Variants in SVEP1 observed in about 807,000 individuals in gnomAD.
The protein encoded by SVEP1 is sushi, von Willebrand factor type A, EGF and pentraxin domain-containing protein 1.
SVEP1 carries 164 observed loss-of-function variants against 367.3 expected under a neutral mutation model. The ratio of observed to expected loss-of-function variants is 0.45; its 90% CI spans 0.39 to 0.51. The LOEUF (loss-of-function observed/expected upper bound fraction) is 0.51, where lower values mean the gene tolerates loss of function less well. SVEP1 is among the 20% of genes least tolerant of loss of function. The probability of loss-of-function intolerance (pLI) is 0.00; values close to 1 mark genes in which losing one functional copy is unlikely to be tolerated. For synonymous variants in SVEP1, 1,666 were observed against 1,611.6 expected (o/e 1.03, Z -0.81); for missense variants, 4,117 against 4,425.3 (o/e 0.93, Z 1.98).
At chr9:110,375,286 GAGTC>G in intron 46 of SVEP1, 78 bp downstream of exon 46, 1 of 673,804 alleles carries the variant, frequency 1.5e-6, no homozygotes, top group Non-Finnish European at 2.2e-6. Context: ...CACCACTTCT[GAGTC>G]TAAGTCACAC....
At position 110,408,197 on chromosome 9, in the gene SVEP1, G is replaced by A; in HGVS notation, c.7403C>T (p.Pro2468Leu). Residue 2468 changes from proline to leucine, a missense_variant, in exon 38 of 48, where the codon CCA becomes CTA. Pro to Leu is a moderately conservative substitution (Grantham distance 98, BLOSUM62 -3). Around this residue, in one of 4 missense-constraint regions of SVEP1, gnomAD observed 1,765 missense variants for 1,781.1 expected, o/e 0.99. Coordinates refer to ENST00000374469, the MANE Select transcript of SVEP1 (RefSeq NM_153366.4). ...YLSTALYTCK[P>L]GFELVGNTTT... ...AGTATTTCCCACCAATTCAAAGCCT[G>A]GCTTGCAGGTATAGAGAGCTGTGCT... 1 of 1,613,982 alleles carries A rather than the reference G, an allele frequency of 6.2e-7. No homozygotes were observed. Among genetic ancestry groups the A allele is most frequent in the Non-Finnish European group, 8.5e-7 (1 of 1,179,900 alleles).
intron 40 of SVEP1, among the ~76,000 whole-genome samples, chr9:110,390,058 TATATAAGTATATATATATAC>T (rs1827609855): frequency 7.8e-6 from 1 of 128,186 alleles, no homozygotes; most frequent in Non-Finnish European, 1.7e-5. Context: ...TACACGTATA[TATATAAGTATATATATATAC>T]GTGTATATAT....
intron 29 of SVEP1, among the ~76,000 whole-genome samples, 183 bp from the exon 30 acceptor site, chr9:110,434,689 A>AAAAATCC (rs1828407147): frequency 6.7e-6 from 1 of 149,474 alleles, no homozygotes; most frequent in Admixed American, 6.7e-5. Context: ...AAAAAAAAGC[A>AAAAATCC]TTTAAGTCAA....
At chr9:110,439,750 C>T (rs1828485871) in intron 27 of SVEP1, among the ~76,000 whole-genome samples, 1 of 151,924 alleles carries the variant, frequency 6.6e-6, no homozygotes, top group African/African-American at 2.4e-5. Flanking sequence ...TATGGTAACC[C>T]AAGCAGACTA....
chr9:110,367,879 G>A (rs558148247), intron 47 of SVEP1, among the ~76,000 whole-genome samples: 3 of 152,176 alleles, frequency 2.0e-5, no homozygotes, highest in South Asian at 2.1e-4. Context: ...TCAGGAGTTC[G>A]AGACTAGCCT....
At chr9:110,384,236 G>A (rs1352292549) in intron 43 of SVEP1, among the ~76,000 whole-genome samples, 2 of 152,196 alleles carry the variant, frequency 1.3e-5, no homozygotes, top group African/African-American at 4.8e-5. Context: ...CCTGAGTGGG[G>A]TAGCACAATC....
intron 6 of SVEP1, 38 bp from the exon 7 acceptor site, chr9:110,499,276 C>G (rs1277785108): frequency 1.9e-6 from 3 of 1,557,526 alleles, no homozygotes; most frequent in Non-Finnish European, 2.6e-6. Flanking sequence ...ATTTGTGTTC[C>G]CACAAATTGG....
Position 110,404,519 on chromosome 9 carries a change from T to A in SVEP1, c.9474A>T (p.Thr3158=). 6.2e-7 allele frequency: 1 copy of A among 1,614,026 alleles called. No homozygotes were observed. Among genetic ancestry groups the A allele is most frequent in the Non-Finnish European group, 8.5e-7 (1 of 1,179,876 alleles). Residue 3158 remains threonine, a synonymous_variant, in exon 39 of 48, where the codon ACA becomes ACT. Coordinates refer to ENST00000374469, the MANE Select transcript of SVEP1 (RefSeq NM_153366.4). ...CATCTTTCTGACAGGTGAATGTATC[T>A]GTATCTGTATCCATCGTATAACCTT... The part of the protein sequence containing the change: ...CLEGYTMDTD[T]DTFTCQKDGR...
intron 8 of SVEP1, among the ~76,000 whole-genome samples, chr9:110,495,838 T>C (rs72748870): frequency 0.23 from 34,490 of 152,116 alleles, 4,308 homozygotes; most frequent in Admixed American, 0.3. Context: ...TAATGCTGGA[T>C]TCAGACAAGC....
rs60798857 is a variant in SVEP1 at position 110,428,429 on chromosome 9, C to CAAACACACACACAA, written c.5808-672_5808-671insTTGTGTGTGTGTTT. ...ACACACACACACACACACACACACACCATTAATCTCCTACAGTGTTAAGAA... is the reference window on the plus strand; with the variant it reads ...ACACACACACACACACACACACACACAAACACACACACAACATTAATCTCCTACAGTGTTAAGAA... On this transcript the variant is annotated intron_variant, in intron 35 of 47. Coordinates refer to ENST00000374469, the MANE Select transcript of SVEP1 (RefSeq NM_153366.4). Among the ~76,000 whole-genome samples, 55 of 151,220 alleles carry CAAACACACACACAA rather than the reference C, an allele frequency of 3.6e-4. 2 individuals carry two copies. Among genetic ancestry groups the CAAACACACACACAA allele is most frequent in the Middle Eastern group, 3.4e-3 (1 of 294 alleles).
intron 1 of SVEP1, among the ~76,000 whole-genome samples, chr9:110,554,398 C>T (rs1050635313): frequency 6.6e-6 from 1 of 152,156 alleles, no homozygotes; most frequent in African/African-American, 2.4e-5. Flanking sequence ...GACCAAGGAC[C>T]AGCCCCAGTA....
Position 110,365,283 on chromosome 9 carries a change from A to G in SVEP1, c.*1256T>C, listed in dbSNP as rs570191345. On this transcript the variant is annotated 3_prime_UTR_variant, in exon 48 of 48. Transcript: ENST00000374469. ...AATGGACTATGAGTAAATTTATTGG[A>G]AAGTAGACTCATAAGCATGTAAGAC... The G allele has an allele frequency of 6.6e-6, 1 of 152,164 alleles. No homozygotes were observed. Among genetic ancestry groups the G allele is most frequent in the African/African-American group, 2.4e-5 (1 of 41,428 alleles). 9.4% of individuals were successfully genotyped at this position (152,164 alleles called of 1,614,324 possible).
intron 42 of SVEP1, among the ~76,000 whole-genome samples, chr9:110,386,606 A>G (rs775994500): frequency 6.6e-6 from 1 of 152,100 alleles, no homozygotes; most frequent in Non-Finnish European, 1.5e-5. Flanking sequence ...TGGAGTTTGC[A>G]TGTTTTATTG....
At chr9:110,440,588 G>A (rs1828497853) in intron 27 of SVEP1, among the ~76,000 whole-genome samples, 2 of 152,230 alleles carry the variant, frequency 1.3e-5, no homozygotes, top group South Asian at 4.1e-4. Context: ...GAGGCATGCA[G>A]AGTCAAAGAA....
chr9:110,374,668 C>G (rs1471133586), intron 46 of SVEP1, among the ~76,000 whole-genome samples: 1 of 151,912 alleles, frequency 6.6e-6, no homozygotes, highest in Non-Finnish European at 1.5e-5. Context: ...CAAAACAAAA[C>G]AAAACAAAAA....
intron 1 of SVEP1, among the ~76,000 whole-genome samples, chr9:110,556,735 C>A (rs2118863663): frequency 6.6e-6 from 1 of 152,186 alleles, no homozygotes; most frequent in East Asian, 1.9e-4. Flanking sequence ...GTGATCCACC[C>A]AGCTCAGCCT....
intron 14 of SVEP1, among the ~76,000 whole-genome samples, chr9:110,473,351 G>T (rs1035296371): frequency 6.6e-6 from 1 of 152,068 alleles, no homozygotes; most frequent in African/African-American, 2.4e-5. Flanking sequence ...CTACCACATA[G>T]AAATAATCAC....
intron 35 of SVEP1, among the ~76,000 whole-genome samples, chr9:110,428,702 G>A (rs886751012): frequency 2.0e-5 from 3 of 152,142 alleles, no homozygotes; most frequent in Non-Finnish European, 4.4e-5. Context: ...GCCTCGGGAA[G>A]CATACAGATT....
intron 40 of SVEP1, among the ~76,000 whole-genome samples, chr9:110,394,107 C>A (rs965541860): frequency 6.6e-6 from 1 of 152,124 alleles, no homozygotes; most frequent in Non-Finnish European, 1.5e-5. Flanking sequence ...AGGCACCCCC[C>A]AGTAGGGGCG....
Sources: gnomAD v4.1 joint callset for allele counts (sites outside exome capture counted in the v4.1 genomes callset) on GRCh38, gnomAD v4.1.1 for gene constraint, gnomAD v4.1.1 regional missense constraint, MANE v1.5 for transcripts, NCBI Gene and HGNC (gene_info 2026-07-23, HGNC 2026-07-21) for gene names.